The following GRM6 variants were observed in gnomAD, a reference collection of about 807,000 sequenced individuals.
GRM6 encodes the protein glutamate metabotropic receptor 6.
In GRM6, 73 loss-of-function variants were observed where a neutral mutation model predicts 78.4. The ratio of observed to expected loss-of-function variants is 0.93; its 90% CI spans 0.77 to 1.13. The LOEUF (loss-of-function observed/expected upper bound fraction) is 1.13, where lower values mean the gene tolerates loss of function less well. Among genes scored for constraint, GRM6 ranks in the 50% most tolerant of loss-of-function variants. The pLI is 0.00. For synonymous variants in GRM6, 580 were observed against 555.0 expected (o/e 1.05, Z -0.63); for missense variants, 1,251 against 1,256.4 (o/e 1.00, Z 0.07).
In GRM6 at chr5:178,986,626, C is replaced by T. The variant is rs752010509; in HGVS notation, c.1628G>A (p.Cys543Tyr). Residue 543 changes from cysteine (C) to tyrosine (Y), a missense_variant, in exon 9 of 11, where the codon TGT becomes TAT. Transcript: ENST00000517717. ...GVPCCWHCEA[C>Y]DGYRFQVDEF... ...GTCCACCTGGAAGCGGTACCCGTCA[C>T]AGGCCTCGCAGTGCCAACAGCAGGG... The T allele has an allele frequency of 1.2e-6, 2 of 1,603,030 alleles. No homozygotes were observed. The highest frequency in any genetic ancestry group is 2.2e-5 in the South Asian group (2 of 91,090).
Position 178,989,033 on chromosome 5 carries a change from T to G in GRM6, c.1256A>C (p.His419Pro). 2.5e-6 allele frequency: 4 copies of G among 1,614,046 alleles called. No individual in the cohort carries two copies. Among genetic ancestry groups the G allele is most frequent in the Non-Finnish European group, 3.4e-6 (4 of 1,179,932 alleles). The change falls in exon 7 of 11, where the codon CAC becomes CCC. Residue 419 changes from histidine (H) to proline (P), a missense_variant. By Grantham distance (77) the His-to-Pro change is moderately conservative (BLOSUM62 -2). Coordinates refer to ENST00000517717, the MANE Select transcript of GRM6 (RefSeq NM_000843.4). ...YAIAHALHSM[H>P]QALCPGHTGL... is the part of the protein sequence containing the mutation. ...TGTGTGCCCAGGGCAGAGCGCCTGGTGCATGCTGTGGAGGGCGTGGGCAAT... is the reference window on the plus strand; with the variant it reads ...TGTGTGCCCAGGGCAGAGCGCCTGGGGCATGCTGTGGAGGGCGTGGGCAAT...
chr5:178,993,729 C>T (rs1289164244), intron 2 of GRM6, among the ~76,000 whole-genome samples: 1 of 152,122 alleles, frequency 6.6e-6, no homozygotes, highest in Non-Finnish European at 1.5e-5. Context: ...CTCCTAATCC[C>T]GATTCTGCTG....
intron 7 of GRM6, chr5:178,987,516 A>G (rs554115247): frequency 3.0e-4 from 136 of 451,856 alleles, no homozygotes; most frequent in Non-Finnish European, 5.0e-4. Context: ...TATAAAATGG[A>G]TGGACCTGGA....
In GRM6 at chr5:178,981,628, A is replaced by G. The variant is rs370642617; in HGVS notation, c.*29T>C. The G allele has an allele frequency of 1.9e-6, 3 of 1,556,782 alleles. No homozygotes were observed. The highest frequency in any genetic ancestry group is 1.8e-6 in the Non-Finnish European group (2 of 1,128,554). On this transcript the variant is annotated 3_prime_UTR_variant, in exon 11 of 11. Coordinates refer to ENST00000517717, the MANE Select transcript of GRM6 (RefSeq NM_000843.4). This position sits in a 1 kb window ranked among gnomAD's most constrained non-coding sequence, Gnocchi z 5.1. ...GAGGCAAGAGGAAGAAAGGAGAGGCAGCAAGCAGTCCCGTTCCCACCTGCC... is the reference window on the plus strand; with the variant it reads ...GAGGCAAGAGGAAGAAAGGAGAGGCGGCAAGCAGTCCCGTTCCCACCTGCC...
At position 178,986,511 on chromosome 5, in the gene GRM6, C is replaced by T. The variant is rs769713071; in HGVS notation, c.1743G>A (p.Trp581Ter). The change falls in exon 9 of 11, where the codon TGG becomes TGA. Residue 581 changes from tryptophan (W) to a stop codon, truncating the protein, a stop_gained. Transcript: ENST00000517717. LOFTEE classifies it high-confidence loss of function. ...CRPTPVVRLS[W>*]SSPWAAPPLL... is the part of the protein sequence containing the mutation. ...GCGGCGGGGCTGCCCAGGGGGAGGA[C>T]CAGCTCAGGCGCACCACAGGTGTGG... 1 of 1,608,882 alleles carries T rather than the reference C, an allele frequency of 6.2e-7. No homozygotes were observed. Among genetic ancestry groups the T allele is most frequent in the East Asian group, 2.2e-5 (1 of 44,782 alleles).
In GRM6 at chr5:178,981,630, C is replaced by G. The variant is rs1581890566; in HGVS notation, c.*27G>C. 1 of 1,563,974 alleles carries G rather than the reference C, an allele frequency of 6.4e-7. No homozygotes were observed. Among genetic ancestry groups the G allele is most frequent in the African/African-American group, 1.4e-5 (1 of 74,054 alleles). The stretch of plus-strand genomic sequence containing the variant: ...GGCAAGAGGAAGAAAGGAGAGGCAG[C>G]AAGCAGTCCCGTTCCCACCTGCCCT... On this transcript the variant is annotated 3_prime_UTR_variant, in exon 11 of 11. Transcript: ENST00000517717. This position sits in a 1 kb window ranked among gnomAD's most constrained non-coding sequence, Gnocchi z 5.1.
chr5:178,987,128 G>A, intron 7 of GRM6, 145 bp from the exon 8 acceptor site: 1 of 822,838 alleles, frequency 1.2e-6, no homozygotes, highest in Non-Finnish European at 2.0e-6. Flanking sequence ...GCCGCAGGGA[G>A]ATCCCCCTTC....
At chr5:178,985,700 CTAA>C (rs1760521715) in intron 9 of GRM6, 1 of 248,038 alleles carries the variant, frequency 4.0e-6, no homozygotes, top group Admixed American at 5.4e-5. Context: ...GAGACTCTGT[CTAA>C]AAAAAAAAAA....
Position 178,994,494 on chromosome 5 carries a change from C to A in GRM6, c.451G>T (p.Ala151Ser). The change falls in exon 2 of 11, where the codon GCC becomes TCC. Residue 151 changes from alanine (A) to serine (S), a missense_variant. Transcript: ENST00000517717. ...PPERVVAVVG[A>S]SASSVSIMVA... ...ATGATGGAGACGGAGCTGGCCGAGG[C>A]GCCCACGACGGCCACGACGCGCTCG... The A allele has an allele frequency of 6.9e-7, 1 of 1,447,628 alleles. No individual in the cohort carries two copies. The highest frequency in any genetic ancestry group is 9.1e-7 in the Non-Finnish European group (1 of 1,104,496). 89.7% of individuals were successfully genotyped at this position (1,447,628 alleles called of 1,614,324 possible).
chr5:178,986,446 A>G lies in GRM6; in HGVS notation c.1808T>C (p.Val603Ala), dbSNP rs747287686. The G allele has an allele frequency of 1.9e-6, 3 of 1,613,188 alleles. No homozygotes were observed. Among genetic ancestry groups the G allele is most frequent in the Non-Finnish European group, 1.7e-6 (2 of 1,179,892 alleles). The change falls in exon 9 of 11, where the codon GTG becomes GCG. Residue 603 changes from valine to alanine, a missense_variant. Physicochemically the swap from Val to Ala is moderately conservative, Grantham distance 64 (BLOSUM62 0). Coordinates refer to ENST00000517717, the MANE Select transcript of GRM6 (RefSeq NM_000843.4). The part of the protein sequence containing the change: ...AVLGIVATTT[V>A]VATFVRYNNT... ...GTTGTACCGCACGAAGGTGGCCACC[A>G]CCGTGGTAGTGGCCACGATGCCCAG...
In GRM6 at chr5:178,987,102, G is replaced by C; in HGVS notation, c.1355-119C>G. On this transcript the variant is annotated intron_variant, in intron 7 of 10. Transcript: ENST00000517717. ...CTTAACAAGCATCACTGCTCATAAG[G>C]GACGTGCAAATCCAAGCCGCAGGGA... The C allele has an allele frequency of 2.8e-6, 3 of 1,054,044 alleles. No individual in the cohort carries two copies. In the South Asian group the frequency reaches 4.1e-5, roughly 14 times the overall value. The allele number at this position is 1,054,044 out of a possible 1,614,324, so 65.3% of individuals were successfully genotyped here.
chr5:178,991,623 G>A lies in GRM6; in HGVS notation c.722-64C>T, dbSNP rs6898194. On this transcript the variant is annotated intron_variant, in intron 3 of 10. Transcript: ENST00000517717. This position sits in a 1 kb window ranked among gnomAD's most constrained non-coding sequence, Gnocchi z 5.0. ...CCACCCACACACCCACCTGGCCACC[G>A]CTGCAGAGGACTGTGTAGGCTGGCT... 1.4e-3 allele frequency: 1,546 copies of A among 1,108,636 alleles called. 9 individuals are homozygous for A. In the African/African-American group the frequency reaches 0.017, roughly 12 times the overall value. The allele number at this position is 1,108,636 out of a possible 1,614,324, so 68.7% of individuals were successfully genotyped here.
chr5:178,991,974 A>G lies in GRM6; in HGVS notation c.614T>C (p.Val205Ala). The G allele has an allele frequency of 6.2e-7, 1 of 1,614,056 alleles. No homozygotes were observed. The highest frequency in any genetic ancestry group is 8.5e-7 in the Non-Finnish European group (1 of 1,179,988). The change falls in exon 3 of 11, where the codon GTG (valine) becomes GCG (alanine). Residue 205 changes from valine (V) to alanine (A), a missense_variant. Physicochemically the swap from Val to Ala is moderately conservative, Grantham distance 64. Coordinates refer to ENST00000517717, the MANE Select transcript of GRM6 (RefSeq NM_000843.4). This position sits in a 1 kb window ranked among gnomAD's most constrained non-coding sequence, Gnocchi z 5.0. Reference protein sequence around the residue: ...PPDSYQAQAMVDIVRALGWNY... With the variant: ...PPDSYQAQAMADIVRALGWNY... ...CCATCCCAGTGCCCTCACGATGTCC[A>G]CCATGGCCTGCGCCTGGTAGGAGTC...
chr5:178,995,033 G>T, intron 1 of GRM6, 73 bp from the exon 2 acceptor site: 2 of 841,844 alleles, frequency 2.4e-6, no homozygotes, highest in Non-Finnish European at 2.9e-6. Flanking sequence ...GGCGCGGGGA[G>T]GGACACCGGG....
rs1455466129 is a variant in GRM6 at position 178,992,306 on chromosome 5, C to T, written c.505-223G>A. 13 of 669,414 alleles carry T rather than the reference C, an allele frequency of 1.9e-5. No individual in the cohort carries two copies. Among genetic ancestry groups the T allele is most frequent in the Non-Finnish European group, 3.3e-5 (12 of 363,034 alleles). 41.5% of individuals were successfully genotyped at this position (669,414 alleles called of 1,614,324 possible). Reference sequence around the variant, plus strand: ...GTTTTGCGAGTGGGCCTGAGAATTCCGTGAATGCTGTGCAGGTGGGAGGTA... The same window carrying T: ...GTTTTGCGAGTGGGCCTGAGAATTCTGTGAATGCTGTGCAGGTGGGAGGTA... On this transcript the variant is annotated intron_variant, in intron 2 of 10. Coordinates refer to ENST00000517717, the MANE Select transcript of GRM6 (RefSeq NM_000843.4). The surrounding 1 kb of genome is among the most constrained non-coding windows in gnomAD (Gnocchi z 4.9).
chr5:178,985,459 T>G (rs1760494420), intron 9 of GRM6, among the ~76,000 whole-genome samples: 2 of 150,532 alleles, frequency 1.3e-5, no homozygotes, highest in Middle Eastern at 3.3e-3. Context: ...ATCCCAGCAC[T>G]TTGGGAGGCC....
chr5:178,983,243 C>G, intron 9 of GRM6, 22 bp from the exon 10 acceptor site: 1 of 1,596,242 alleles, frequency 6.3e-7, no homozygotes, highest in Non-Finnish European at 8.6e-7. Context: ...AACACTGCAT[C>G]AGACACAGCA....
At chr5:178,983,581 A>C (rs117333138) in intron 9 of GRM6, 19,251 of 433,806 alleles carry the variant, frequency 0.044, 690 homozygotes, top group East Asian at 0.14. Flanking sequence ...AGGTAGATGG[A>C]TGTGGCCGGA....
intron 9 of GRM6, among the ~76,000 whole-genome samples, chr5:178,984,823 G>A (rs970293841): frequency 6.6e-6 from 1 of 152,092 alleles, no homozygotes; most frequent in South Asian, 2.1e-4. Context: ...GGACAGCACC[G>A]GGAGTGCTCC....
Sources: gnomAD v4.1 joint callset for allele counts (sites outside exome capture counted in the v4.1 genomes callset) on GRCh38, gnomAD v4.1.1 for gene constraint, Gnocchi (gnomAD v3.1) non-coding constraint, MANE v1.5 for transcripts, NCBI Gene and HGNC (gene_info 2026-07-23, HGNC 2026-07-21) for gene names.